Variants in ALOX5AP observed in about 807,000 individuals in gnomAD.
ALOX5AP encodes arachidonate 5-lipoxygenase activating protein, also known as arachidonate 5-lipoxygenase-activating protein.
In ALOX5AP, 9 loss-of-function variants were observed where a neutral mutation model predicts 18.5. The ratio of observed to expected loss-of-function variants is 0.49; its 90% CI spans 0.29 to 0.85. The LOEUF is 0.85. Among genes scored for constraint, ALOX5AP ranks in the 40% least tolerant of loss-of-function variants. The pLI, the probability that ALOX5AP is intolerant of heterozygous loss-of-function variation, is 0.08. For synonymous variants in ALOX5AP, 81 were observed against 78.6 expected (o/e 1.03, Z -0.16); for missense variants, 172 against 202.5 (o/e 0.85, Z 0.91).
At chr13:30,744,222 A>C (rs1951790738) in intron 2 of ALOX5AP, 63 bp downstream of exon 2, 3 of 1,418,692 alleles carry the variant, frequency 2.1e-6, no homozygotes, top group Admixed American at 1.8e-5. Flanking sequence ...TCCTTCTAGG[A>C]GTGATGACCA....
intron 1 of ALOX5AP, among the ~76,000 whole-genome samples, chr13:30,729,475 T>G (rs1291445570): frequency 3.3e-5 from 5 of 152,162 alleles, no homozygotes; most frequent in Non-Finnish European, 5.9e-5. Context: ...GAACTGAATG[T>G]TCCCAAGGCA....
intron 1 of ALOX5AP, among the ~76,000 whole-genome samples, chr13:30,741,344 A>C (rs146603781): frequency 2.5e-3 from 366 of 148,246 alleles, no homozygotes; most frequent in African/African-American, 8.6e-3. Flanking sequence ...CACATCCTCC[A>C]TATACTTTAA....
intron 1 of ALOX5AP, among the ~76,000 whole-genome samples, chr13:30,740,373 G>A (rs1470979029): frequency 2.0e-5 from 3 of 152,320 alleles, no homozygotes; most frequent in South Asian, 4.1e-4. Flanking sequence ...GGTTGCTGAA[G>A]GTCTTGCACA....
chr13:30,733,093 A>C (rs1951694373), upstream of ALOX5AP, among the ~76,000 whole-genome samples: 1 of 149,182 alleles, frequency 6.7e-6, no homozygotes, highest in South Asian at 2.1e-4. Flanking sequence ...CGGGAGGCAG[A>C]GCTTGCAGTG....
intron 1 of ALOX5AP, chr13:30,742,513 G>A (rs1951775138): frequency 6.6e-6 from 1 of 152,186 alleles, no homozygotes; most frequent in African/African-American, 2.4e-5. Context: ...CCATTGCACA[G>A]AGTGGGTGCA....
At chr13:30,761,761 C>G (rs1427712638) in intron 4 of ALOX5AP, among the ~76,000 whole-genome samples, 2 of 152,170 alleles carry the variant, frequency 1.3e-5, no homozygotes, top group South Asian at 2.1e-4. Flanking sequence ...ACATCATCAC[C>G]TCACTGAGCA....
chr13:30,716,137 T>A lies in ALOX5AP; in HGVS notation c.116+2296T>A, dbSNP rs377270478. Among the ~76,000 whole-genome samples, 52 of 152,342 alleles carry A rather than the reference T, an allele frequency of 3.4e-4. 1 individual carries two copies. In the East Asian group the frequency reaches 8.3e-3, roughly 24 times the overall value. ...ACTTGCTTCTTTGTCAGTCTTGTTT[T>A]TCTTATTTCACAACCTTCTAAAACA... On this transcript the variant is annotated intron_variant, in intron 1 of 5. Coordinates refer to the ALOX5AP transcript ENST00000617770.
intron 1 of ALOX5AP, among the ~76,000 whole-genome samples, chr13:30,721,667 A>G (rs921263980): frequency 6.6e-6 from 1 of 152,112 alleles, no homozygotes; most frequent in Non-Finnish European, 1.5e-5. Flanking sequence ...GTGCTCTACA[A>G]TGCAAATCCA....
intron 4 of ALOX5AP, among the ~76,000 whole-genome samples, chr13:30,758,214 G>A (rs1242963221): frequency 6.6e-6 from 1 of 152,190 alleles, no homozygotes; most frequent in Admixed American, 6.5e-5. Flanking sequence ...AGCCAGAGGG[G>A]CTTTATGGTT....
At chr13:30,752,477 TG>T (rs1044516119) in intron 3 of ALOX5AP, among the ~76,000 whole-genome samples, 4 of 152,224 alleles carry the variant, frequency 2.6e-5, no homozygotes, top group African/African-American at 9.6e-5. Flanking sequence ...CGCTGTCACT[TG>T]GCTCTTCTGC....
At chr13:30,748,981 T>C (rs1413179976) in intron 2 of ALOX5AP, among the ~76,000 whole-genome samples, 1 of 152,196 alleles carries the variant, frequency 6.6e-6, no homozygotes, top group Non-Finnish European at 1.5e-5. Context: ...GAGGGGCACA[T>C]AAGCTTGCAG....
Position 30,742,727 on chromosome 13 carries a change from G to A in ALOX5AP, c.71-1333G>A, listed in dbSNP as rs187134929. Among the ~76,000 whole-genome samples, 37 of 152,148 alleles carry A rather than the reference G, an allele frequency of 2.4e-4. No homozygotes were observed. In the East Asian group the frequency reaches 7.0e-3, roughly 29 times the overall value. Reference sequence around the variant, plus strand: ...CACCCCTTTAATGTCTTTTTGAGGAGGATAATATGAAATTGATGAAAAGGA... The same window carrying A: ...CACCCCTTTAATGTCTTTTTGAGGAAGATAATATGAAATTGATGAAAAGGA... On this transcript the variant is annotated intron_variant, in intron 1 of 4. Coordinates refer to ENST00000380490, the MANE Select transcript of ALOX5AP (RefSeq NM_001629.4).
intron 1 of ALOX5AP, among the ~76,000 whole-genome samples, chr13:30,740,435 C>A (rs889697881): frequency 6.6e-6 from 1 of 152,222 alleles, no homozygotes; most frequent in Non-Finnish European, 1.5e-5. Context: ...GGATGCCTCA[C>A]AACGGTTTGC....
At chr13:30,748,074 A>G (rs1380121281) in intron 2 of ALOX5AP, among the ~76,000 whole-genome samples, 1 of 151,920 alleles carries the variant, frequency 6.6e-6, no homozygotes, top group Non-Finnish European at 1.5e-5. Flanking sequence ...ATGCACCACC[A>G]TGTCCGGCTA....
At chr13:30,740,708 G>A (rs942527038) in intron 1 of ALOX5AP, among the ~76,000 whole-genome samples, 1 of 152,182 alleles carries the variant, frequency 6.6e-6, no homozygotes, top group Admixed American at 6.5e-5. Flanking sequence ...TTTGTTTAAA[G>A]GATAGGGAAG....
At chr13:30,728,133 G>A (rs1274631038) in intron 1 of ALOX5AP, among the ~76,000 whole-genome samples, 1 of 152,174 alleles carries the variant, frequency 6.6e-6, no homozygotes, top group African/African-American at 2.4e-5. Context: ...ACAGCCACAG[G>A]AAGACAGAAA....
intron 1 of ALOX5AP, among the ~76,000 whole-genome samples, chr13:30,719,209 A>G (rs921341235): frequency 6.6e-6 from 1 of 152,214 alleles, no homozygotes; most frequent in Non-Finnish European, 1.5e-5. Context: ...CCTTTGTAAG[A>G]ATTAAGAGTT....
intron 1 of ALOX5AP, among the ~76,000 whole-genome samples, chr13:30,725,253 G>A (rs892646056): frequency 6.6e-6 from 1 of 152,226 alleles, no homozygotes; most frequent in African/African-American, 2.4e-5. Context: ...GAGTCCTGGG[G>A]AAGAGGCATA....
chr13:30,746,745 G>A (rs1951812557), intron 2 of ALOX5AP, among the ~76,000 whole-genome samples: 1 of 152,250 alleles, frequency 6.6e-6, no homozygotes, highest in Non-Finnish European at 1.5e-5. Context: ...TATCTGAAAA[G>A]TAAGACATGA....
Sources: allele counts gnomAD v4.1 joint callset (sites outside exome capture counted in the v4.1 genomes callset), GRCh38; gene constraint gnomAD v4.1.1; transcripts MANE v1.5; gene names NCBI Gene and HGNC (gene_info 2026-07-23, HGNC 2026-07-21).